The following GPC4 variants were observed in gnomAD, a reference collection of about 807,000 sequenced individuals.
GPC4 encodes glypican 4, also known as glypican-4.
Under a neutral mutation model 35.0 loss-of-function variants are expected in GPC4, and 10 were observed. The ratio of observed to expected loss-of-function variants is 0.29; its 90% CI spans 0.18 to 0.48. The LOEUF is 0.48. Ranked by LOEUF, GPC4 falls within the 20% of genes least tolerant of loss-of-function variation. The pLI is 0.99. For synonymous variants in GPC4, 167 were observed against 170.2 expected (o/e 0.98, Z 0.15); for missense variants, 322 against 451.3 (o/e 0.71, Z 2.60).
intron 1 of GPC4, among the ~76,000 whole-genome samples, chrX:133,403,877 A>G (rs1350239507): frequency 9.1e-6 from 1 of 110,021 alleles, no homozygotes; most frequent in Admixed American, 9.7e-5. Context: ...TTGTGTTTTT[A>G]GTCGAGAAGG....
intron 1 of GPC4, among the ~76,000 whole-genome samples, chrX:133,351,191 G>T (rs1012551866): frequency 2.7e-5 from 3 of 111,617 alleles, no homozygotes; most frequent in African/African-American, 9.8e-5. Context: ...ACTTGTCTCA[G>T]TCCTAATTTT....
chrX:133,317,483 G>GA (rs397895990), intron 3 of GPC4, among the ~76,000 whole-genome samples: 1,978 of 106,068 alleles, frequency 0.019, 126 homozygotes, highest in Admixed American at 0.17. Context: ...CAAGCAGCCT[G>GA]AAAAAAAAAA....
At chrX:133,390,927 C>T (rs888859173) in intron 1 of GPC4, among the ~76,000 whole-genome samples, 4 of 111,593 alleles carry the variant, frequency 3.6e-5, no homozygotes, top group East Asian at 2.8e-4. Flanking sequence ...CTCTTTCTCC[C>T]GCCTGGCAGT....
At chrX:133,350,891 T>C (rs746233152) in intron 1 of GPC4, among the ~76,000 whole-genome samples, 59 of 111,957 alleles carry the variant, frequency 5.3e-4, no homozygotes, top group African/African-American at 1.7e-3. Context: ...AGAGCCCTCC[T>C]CATACTCCCC....
chrX:133,313,834 G>C (rs746926040), intron 3 of GPC4, among the ~76,000 whole-genome samples: 2 of 112,286 alleles, frequency 1.8e-5, no homozygotes, highest in African/African-American at 3.2e-5. Flanking sequence ...CCAGATGACA[G>C]GAAACTGTAA....
At chrX:133,376,093 T>A (rs1461479442) in intron 1 of GPC4, among the ~76,000 whole-genome samples, 1 of 110,839 alleles carries the variant, frequency 9.0e-6, no homozygotes, top group Non-Finnish European at 1.9e-5. Context: ...ACAGCCAGGA[T>A]GAAACTTTTT....
At chrX:133,411,847 C>T (rs757300952) in intron 1 of GPC4, among the ~76,000 whole-genome samples, 2 of 111,138 alleles carry the variant, frequency 1.8e-5, no homozygotes, top group South Asian at 7.7e-4. Context: ...AGCAGACAGG[C>T]AATGCAGGAC....
At chrX:133,384,600 G>A (rs1226235836) in intron 1 of GPC4, among the ~76,000 whole-genome samples, 1 of 111,295 alleles carries the variant, frequency 9.0e-6, no homozygotes, top group African/African-American at 3.3e-5. Flanking sequence ...GCTCCAGAAG[G>A]CTCAGGCCCC....
intron 2 of GPC4, among the ~76,000 whole-genome samples, chrX:133,330,746 T>G (rs1569344887): frequency 9.0e-6 from 1 of 110,582 alleles, no homozygotes; most frequent in Non-Finnish European, 1.9e-5. Context: ...CTAGGAGTTT[T>G]AGACTACCCT....
chrX:133,413,637 C>A (rs748082219), intron 1 of GPC4, among the ~76,000 whole-genome samples: 9 of 110,716 alleles, frequency 8.1e-5, no homozygotes, highest in Non-Finnish European at 1.1e-4. Context: ...TCAGCCCCCC[C>A]CCCGGGCTCG....
intron 1 of GPC4, among the ~76,000 whole-genome samples, chrX:133,348,616 A>G (rs2068503518): frequency 8.9e-6 from 1 of 112,484 alleles, no homozygotes; most frequent in South Asian, 3.7e-4. Flanking sequence ...GCATCGTTTG[A>G]GAATTTCTCT....
chrX:133,336,149 A>G (rs1002418422), intron 2 of GPC4, among the ~76,000 whole-genome samples: 2 of 111,797 alleles, frequency 1.8e-5, no homozygotes, highest in Non-Finnish European at 3.8e-5. Flanking sequence ...AATTTCTGAG[A>G]GTCAAGACAT....
intron 1 of GPC4, among the ~76,000 whole-genome samples, chrX:133,382,395 C>T (rs2068664994): frequency 1.2e-5 from 1 of 81,778 alleles, no homozygotes; most frequent in Non-Finnish European, 2.2e-5. Flanking sequence ...CACTGCACTC[C>T]AGCCTGTGTG....
At chrX:133,387,923 A>G (rs2068699876) in intron 1 of GPC4, among the ~76,000 whole-genome samples, 1 of 111,768 alleles carries the variant, frequency 8.9e-6, no homozygotes, top group South Asian at 3.8e-4. Flanking sequence ...ATCCCTAGCT[A>G]TATTATTTTC....
chrX:133,322,637 T>C (rs1444600277), intron 3 of GPC4, among the ~76,000 whole-genome samples: 1 of 110,923 alleles, frequency 9.0e-6, no homozygotes, highest in Non-Finnish European at 1.9e-5. Flanking sequence ...AAGTGTCCTG[T>C]TTGGATAAAA....
At chrX:133,329,619 C>T (rs1251849465) in intron 2 of GPC4, among the ~76,000 whole-genome samples, 3 of 111,166 alleles carry the variant, frequency 2.7e-5, no homozygotes, top group African/African-American at 9.8e-5. Flanking sequence ...GCTTACATTA[C>T]ATTAAACAAG....
intron 1 of GPC4, among the ~76,000 whole-genome samples, chrX:133,360,593 G>A (rs113626203): frequency 0.014 from 1,611 of 111,389 alleles, 35 homozygotes; most frequent in African/African-American, 0.05. Flanking sequence ...TTTACTGTAG[G>A]AGACTGAAGC....
intron 1 of GPC4, among the ~76,000 whole-genome samples, chrX:133,376,953 G>A (rs1021770228): frequency 1.8e-5 from 2 of 111,755 alleles, no homozygotes; most frequent in African/African-American, 6.5e-5. Context: ...CAGAGCAACT[G>A]GACAAGCAGA....
chrX:133,368,271 T>C (rs1603084311), intron 1 of GPC4, among the ~76,000 whole-genome samples: 1 of 112,362 alleles, frequency 8.9e-6, no homozygotes, highest in East Asian at 2.8e-4. Context: ...TGTGTTGTTG[T>C]CTTCTTGGCA....
Sources: gnomAD v4.1 joint callset for allele counts (sites outside exome capture counted in the v4.1 genomes callset) on GRCh38, gnomAD v4.1.1 for gene constraint, MANE v1.5 for transcripts, NCBI Gene and HGNC (gene_info 2026-07-23, HGNC 2026-07-21) for gene names.